Variants in ABR observed in about 807,000 individuals in gnomAD.
The protein encoded by ABR is active breakpoint cluster region-related protein.
In ABR, 35 loss-of-function variants were observed where a neutral mutation model predicts 107.2. The ratio of observed to expected loss-of-function variants is 0.33; its 90% CI spans 0.25 to 0.43. The LOEUF is 0.43. ABR is among the 20% of genes least tolerant of loss of function. The pLI is 1.00. For missense variants in ABR, 815 were observed against 1,115.2 expected (o/e 0.73, Z 3.83); for synonymous variants, 498 against 462.0 (o/e 1.08, Z -1.00).
Position 1,209,342 on chromosome 17 carries a change from T to A in ABR, c.838+19451A>T, listed in dbSNP as rs535572259. On this transcript the variant is annotated intron_variant, in intron 1 of 22. Transcript: ENST00000574139. ...TTCAGGCTGGAGTGCAGTGGTGTGA[T>A]CTCGGCTCACCGCAACCTCCACCTC... Among the ~76,000 whole-genome samples, 10 of 151,544 alleles carry A rather than the reference T, an allele frequency of 6.6e-5. No individual in the cohort carries two copies. The South Asian group carries it at 2.1e-3, about 32-fold the overall frequency.
chr17:1,066,140 A>G (rs1183787165), intron 10 of ABR, among the ~76,000 whole-genome samples: 1 of 152,108 alleles, frequency 6.6e-6, no homozygotes, highest in Non-Finnish European at 1.5e-5. Context: ...CAGCCTCCCA[A>G]AGTTCTGGGA....
chr17:1,181,035 T>TCCCAA, upstream of ABR, among the ~76,000 whole-genome samples: 1 of 152,074 alleles, frequency 6.6e-6, no homozygotes, highest in Admixed American at 6.5e-5. Flanking sequence ...ACCGGAGCTG[T>TCCCAA]CTCCACCCCA....
intron 4 of ABR, 28 bp downstream of exon 4, chr17:1,091,637 G>A: frequency 6.2e-7 from 1 of 1,603,892 alleles, no homozygotes; most frequent in Non-Finnish European, 8.5e-7. Context: ...GGCCCTGCGT[G>A]AGGACCCTCC....
At chr17:1,153,441 G>GGGGGTCCAGGCACACCTGCGGGAGGGCTA (rs2040889461) in intron 1 of ABR, among the ~76,000 whole-genome samples, 4 of 53,512 alleles carry the variant, frequency 7.5e-5, no homozygotes, top group Admixed American at 2.0e-4. Flanking sequence ...CGGGAGGGCT[G>GGGGGTCCAGGCACACCTGCGGGAGGGCTA]GGGGTCCAGG....
chr17:1,191,956 A>T (rs1391160752), upstream of ABR, among the ~76,000 whole-genome samples: 1 of 152,174 alleles, frequency 6.6e-6, no homozygotes, highest in Non-Finnish European at 1.5e-5. Context: ...TGGTTCTGCC[A>T]CTAACTTGCT....
chr17:1,108,961 T>G (rs756071911), intron 2 of ABR: 2 of 1,596,182 alleles, frequency 1.3e-6, no homozygotes, highest in Middle Eastern at 1.7e-4. Context: ...AGGGGGACCC[T>G]GAGCCGGGGC....
chr17:1,031,806 A>C (rs1228855882), intron 16 of ABR: 1 of 1,140,338 alleles, frequency 8.8e-7, no homozygotes, highest in East Asian at 4.2e-5. Context: ...CCCGGCTGCC[A>C]GTCCCGCTAG....
At chr17:1,149,291 C>G (rs2040697800) in intron 1 of ABR, among the ~76,000 whole-genome samples, 2 of 151,920 alleles carry the variant, frequency 1.3e-5, no homozygotes, top group Admixed American at 6.6e-5. Flanking sequence ...GGACAGAGAC[C>G]CCCCCATGGG....
chr17:1,076,717 G>GGGC (rs2035748329), intron 6 of ABR, among the ~76,000 whole-genome samples: 1 of 112,236 alleles, frequency 8.9e-6, no homozygotes, highest in East Asian at 2.6e-4. Context: ...AGGTGCACGG[G>GGGC]GGGGGTGGGG....
Position 1,210,722 on chromosome 17 carries a change from A to G in ABR, c.838+18071T>C, listed in dbSNP as rs370291551. Among the ~76,000 whole-genome samples, 33 of 152,232 alleles carry G rather than the reference A, an allele frequency of 2.2e-4. No homozygotes were observed. The highest frequency in any genetic ancestry group is 7.9e-4 in the African/African-American group (33 of 41,514). Reference sequence around the variant, plus strand: ...GATTACTTTATCACTTTATCAACCAACTGGCAACTCCTATCTACTCACACA... The same window carrying G: ...GATTACTTTATCACTTTATCAACCAGCTGGCAACTCCTATCTACTCACACA... On this transcript the variant is annotated intron_variant, in intron 1 of 22. Coordinates refer to the ABR transcript ENST00000574139. The surrounding 1 kb of genome is among the most constrained non-coding windows in gnomAD (Gnocchi z 5.6).
chr17:1,061,792 C>T (rs1597613640), intron 10 of ABR, among the ~76,000 whole-genome samples: 4 of 152,284 alleles, frequency 2.6e-5, no homozygotes, highest in Admixed American at 2.6e-4. Flanking sequence ...AGTGACCCAC[C>T]CGTCTCAGCC....
Position 1,121,053 on chromosome 17 carries a change from G to A in ABR, c.246+4130C>T, listed in dbSNP as rs577243471. Among the ~76,000 whole-genome samples the A allele has an allele frequency of 2.0e-5, 3 of 152,344 alleles. No homozygotes were observed. In the South Asian group the frequency reaches 6.2e-4, roughly 32 times the overall value. ...AGAGTGAAACTGGGCAGTCTCCGCT[G>A]AATGGAGCCACCCGTGGTCTGTGGG... On this transcript the variant is annotated intron_variant, in intron 2 of 22. Coordinates refer to ENST00000302538, the MANE Select transcript of ABR (RefSeq NM_021962.5).
chr17:1,090,605 C>A (rs1455757620), intron 4 of ABR, among the ~76,000 whole-genome samples: 2 of 152,126 alleles, frequency 1.3e-5, no homozygotes, highest in Non-Finnish European at 2.9e-5. Flanking sequence ...GAGCAGGTGA[C>A]GCCGGAGGCA....
intron 2 of ABR, chr17:1,109,233 T>C (rs2151386727): frequency 2.2e-6 from 2 of 924,202 alleles, no homozygotes; most frequent in Non-Finnish European, 2.9e-6. Flanking sequence ...TCCAGCCCGC[T>C]CCGCCGCCGC....
At chr17:1,025,413 C>T (rs1022590623) in intron 16 of ABR, among the ~76,000 whole-genome samples, 4 of 152,216 alleles carry the variant, frequency 2.6e-5, no homozygotes, top group Non-Finnish European at 4.4e-5. Flanking sequence ...AATGATGCCT[C>T]GTACAGTACG....
Position 1,058,773 on chromosome 17 carries a change from G to T in ABR, c.1277C>A (p.Pro426Gln). The change falls in exon 11 of 23, where the codon CCG becomes CAG. Residue 426 changes from proline (P) to glutamine (Q), a missense_variant. Pro to Gln is a moderately conservative substitution (Grantham distance 76). Coordinates refer to ENST00000302538, the MANE Select transcript of ABR (RefSeq NM_021962.5). ...TCCATTCCGATTGTGGATCCTGAACGGGATTGTGGGGGAGTTGAGCAGCAG... is the reference window on the plus strand; with the variant it reads ...TCCATTCCGATTGTGGATCCTGAACTGGATTGTGGGGGAGTTGAGCAGCAG... ...FLLLLNSPTI[P>Q]FRIHNRNGKS... 2.5e-6 allele frequency: 4 copies of T among 1,614,020 alleles called. No individual in the cohort carries two copies. The highest frequency in any genetic ancestry group is 3.4e-6 in the Non-Finnish European group (4 of 1,179,992).
chr17:1,008,697 G>T (rs1023027360), intron 21 of ABR, among the ~76,000 whole-genome samples: 1 of 152,224 alleles, frequency 6.6e-6, no homozygotes, highest in African/African-American at 2.4e-5. Flanking sequence ...CTGAGCTGCA[G>T]CGGGGGGCCT....
intron 1 of ABR, among the ~76,000 whole-genome samples, chr17:1,139,665 A>G (rs2040215586): frequency 6.6e-6 from 1 of 152,070 alleles, no homozygotes; most frequent in African/African-American, 2.4e-5. Context: ...TTTACAATGG[A>G]GGAAATGAAA....
chr17:1,180,574 C>G (rs1002376364), upstream of ABR, among the ~76,000 whole-genome samples: 3 of 152,196 alleles, frequency 2.0e-5, no homozygotes, highest in African/African-American at 7.2e-5. Flanking sequence ...CACATGTGCC[C>G]CTCCTGGGCG....
Sources: gnomAD v4.1 joint callset for allele counts (sites outside exome capture counted in the v4.1 genomes callset) on GRCh38, gnomAD v4.1.1 for gene constraint, Gnocchi (gnomAD v3.1) non-coding constraint, MANE v1.5 for transcripts, NCBI Gene and HGNC (gene_info 2026-07-23, HGNC 2026-07-21) for gene names.